XKR6: variants seen among roughly 807,000 people sequenced by gnomAD.
The protein encoded by XKR6 is XK related 6, also known as XK-related protein 6.
XKR6 carries 22 observed loss-of-function variants against 56.7 expected under a neutral mutation model. The observed-to-expected ratio is 0.39, with a 90% confidence interval of 0.28 to 0.55. The LOEUF (loss-of-function observed/expected upper bound fraction) is 0.55, where lower values mean the gene tolerates loss of function less well. Among genes scored for constraint, XKR6 ranks in the 20% least tolerant of loss-of-function variants. XKR6 has a pLI of 0.66. For synonymous variants in XKR6, 524 were observed against 387.8 expected (o/e 1.35, Z -4.13); for missense variants, 852 against 889.0 (o/e 0.96, Z 0.53).
At chr8:11,142,676 G>C (rs1800767413) in intron 1 of XKR6, among the ~76,000 whole-genome samples, 1 of 152,118 alleles carries the variant, frequency 6.6e-6, no homozygotes, top group Admixed American at 6.5e-5. Flanking sequence ...GAAGATTCCT[G>C]AGGCCCTCAC....
At chr8:11,086,148 A>T (rs567096174) in intron 1 of XKR6, among the ~76,000 whole-genome samples, 1,806 of 120,732 alleles carry the variant, frequency 0.015, 26 homozygotes, top group Non-Finnish European at 0.021. Flanking sequence ...ATATATATAT[A>T]TTTTTTTTTA....
At chr8:11,001,844 G>A (rs555426538) in intron 1 of XKR6, among the ~76,000 whole-genome samples, 19 of 152,328 alleles carry the variant, frequency 1.2e-4, no homozygotes, top group African/African-American at 4.3e-4. Flanking sequence ...GCGGCACTGT[G>A]CTGTGGGTCT....
chr8:11,053,551 G>A (rs1356774051), intron 1 of XKR6, among the ~76,000 whole-genome samples: 4 of 152,218 alleles, frequency 2.6e-5, no homozygotes, highest in Non-Finnish European at 5.9e-5. Flanking sequence ...CCGGCTTCCA[G>A]CAGGTGCTGC....
chr8:10,950,646 C>T lies in XKR6; in HGVS notation c.765-25816G>A, dbSNP rs1457844067. 2.6e-5 allele frequency among the ~76,000 whole-genome samples: 4 copies of T among 152,218 alleles called. No homozygotes were observed. The East Asian group carries it at 7.7e-4, about 29-fold the overall frequency. On this transcript the variant is annotated intron_variant, in intron 1 of 2. Coordinates refer to ENST00000416569, the MANE Select transcript of XKR6 (RefSeq NM_173683.4). ...TGACAAGAACAGAAAACCTAGTCTC[C>T]TAGACAGAGAATGCTTAATAATTCA...
Position 11,164,285 on chromosome 8 carries a change from C to T in XKR6, c.764+36291G>A, listed in dbSNP as rs1442616924. On this transcript the variant is annotated intron_variant, in intron 1 of 2. Transcript: ENST00000416569. ...CTCTGTAATTGTGTGGCATAGCAGC[C>T]ATGCTAGGAACGAGGTCAATTACTT... Among the ~76,000 whole-genome samples the T allele has an allele frequency of 2.0e-5, 3 of 152,342 alleles. No homozygotes were observed. The East Asian group carries it at 5.8e-4, about 29-fold the overall frequency.
intron 1 of XKR6, among the ~76,000 whole-genome samples, chr8:11,139,309 C>A (rs1345846722): frequency 6.6e-6 from 1 of 152,098 alleles, no homozygotes. Context: ...TTACGTAACT[C>A]AAAGAATCCT....
intron 1 of XKR6, among the ~76,000 whole-genome samples, chr8:11,016,523 T>C (rs1798627463): frequency 2.0e-5 from 3 of 152,126 alleles, no homozygotes; most frequent in African/African-American, 7.2e-5. Context: ...GCCCACGCCT[T>C]CCCTCCCACC....
At chr8:10,953,016 G>C (rs1475128228) in intron 1 of XKR6, among the ~76,000 whole-genome samples, 1 of 152,188 alleles carries the variant, frequency 6.6e-6, no homozygotes, top group Non-Finnish European at 1.5e-5. Flanking sequence ...ATGATGATCT[G>C]TCACTGTCTC....
At chr8:11,044,300 C>A (rs549661647) in intron 1 of XKR6, among the ~76,000 whole-genome samples, 1 of 152,190 alleles carries the variant, frequency 6.6e-6, no homozygotes, top group South Asian at 2.1e-4. Flanking sequence ...GCTTACTATG[C>A]GTGCATGCAT....
chr8:11,181,325 T>G (rs1802967885), intron 1 of XKR6, among the ~76,000 whole-genome samples: 1 of 152,250 alleles, frequency 6.6e-6, no homozygotes, highest in Admixed American at 6.5e-5. Flanking sequence ...TTTAGATTCT[T>G]TGGTGCTAGA....
intron 1 of XKR6, among the ~76,000 whole-genome samples, chr8:10,991,700 A>G (rs1797996950): frequency 6.6e-6 from 1 of 152,190 alleles, no homozygotes; most frequent in Non-Finnish European, 1.5e-5. Context: ...TCAGACCAGA[A>G]TCATGATTTC....
At chr8:10,954,595 A>T (rs1801818178) in intron 1 of XKR6, among the ~76,000 whole-genome samples, 1 of 152,164 alleles carries the variant, frequency 6.6e-6, no homozygotes, top group African/African-American at 2.4e-5. Context: ...ATTTTCTCTC[A>T]TTCTATGGGT....
At chr8:10,950,319 C>T (rs1166283428) in intron 1 of XKR6, among the ~76,000 whole-genome samples, 1 of 152,238 alleles carries the variant, frequency 6.6e-6, no homozygotes, top group Non-Finnish European at 1.5e-5. Flanking sequence ...GGCCCAAGCT[C>T]AGAAGGGCCT....
At chr8:11,158,487 G>A (rs1801635300) in intron 1 of XKR6, among the ~76,000 whole-genome samples, 1 of 152,174 alleles carries the variant, frequency 6.6e-6, no homozygotes, top group Admixed American at 6.5e-5. Flanking sequence ...TTCAGGAGCT[G>A]TGCCTAGAAA....
chr8:10,986,278 T>C (rs1266403340), intron 1 of XKR6, among the ~76,000 whole-genome samples: 3 of 152,180 alleles, frequency 2.0e-5, no homozygotes, highest in African/African-American at 7.2e-5. Context: ...TCTAAATAAA[T>C]TTCAGATGGA....
Position 10,986,523 on chromosome 8 carries a change from C to A in XKR6, c.765-61693G>T, listed in dbSNP as rs138414226. Among the ~76,000 whole-genome samples, 314 of 152,128 alleles carry A rather than the reference C, an allele frequency of 2.1e-3. 2 individuals are homozygous for A. The highest frequency in any genetic ancestry group is 7.1e-3 in the African/African-American group (293 of 41,514). ...AAGTTTAATGAGAATTTTTTTCTTA[C>A]AAAAGATGGTGGAATTCTGTGATCA... is the stretch of plus-strand genomic sequence containing the variant. On this transcript the variant is annotated intron_variant, in intron 1 of 2. Coordinates refer to ENST00000416569, the MANE Select transcript of XKR6 (RefSeq NM_173683.4).
chr8:11,082,948 C>T (rs750560576), intron 1 of XKR6, among the ~76,000 whole-genome samples: 23 of 152,214 alleles, frequency 1.5e-4, no homozygotes, highest in Non-Finnish European at 2.6e-4. Flanking sequence ...ATAGCTGCTG[C>T]GGCCAGGTAG....
chr8:11,134,383 T>C (rs1218063949), intron 1 of XKR6, among the ~76,000 whole-genome samples: 1 of 152,100 alleles, frequency 6.6e-6, no homozygotes, highest in Non-Finnish European at 1.5e-5. Context: ...AACTAATAAG[T>C]ATTAGCAAGG....
chr8:10,997,903 T>C (rs1480996987), intron 1 of XKR6, among the ~76,000 whole-genome samples: 1 of 152,156 alleles, frequency 6.6e-6, no homozygotes, highest in Non-Finnish European at 1.5e-5. Context: ...GACCTTAAAA[T>C]AGCATGCTGA....
Sources: gnomAD v4.1 joint callset for allele counts (sites outside exome capture counted in the v4.1 genomes callset) on GRCh38, gnomAD v4.1.1 for gene constraint, MANE v1.5 for transcripts, NCBI Gene and HGNC (gene_info 2026-07-23, HGNC 2026-07-21) for gene names.